The following PAN3 variants were observed in gnomAD, a reference collection of about 807,000 sequenced individuals.
The protein encoded by PAN3 is poly(A) specific ribonuclease subunit PAN3.
In PAN3, 19 loss-of-function variants were observed where a neutral mutation model predicts 96.2. That is an observed-to-expected ratio of 0.20 (90% CI 0.14 to 0.29). The LOEUF is 0.29. Ranked by LOEUF, PAN3 falls within the 10% of genes least tolerant of loss-of-function variation. PAN3 has a pLI of 1.00. For synonymous variants in PAN3, 433 were observed against 406.6 expected, an observed-to-expected ratio of 1.06 and a Z score of -0.78; for missense variants, 882 against 1,108.1, an observed-to-expected ratio of 0.80 and a Z score of 2.90.
rs1248187554 is a variant in PAN3 at position 28,257,747 on chromosome 13, A to AT, written c.1248+1208_1248+1209insT. Among the ~76,000 whole-genome samples, 26 of 114,294 alleles carry AT rather than the reference A, an allele frequency of 2.3e-4. No homozygotes were observed. In the Admixed American group the frequency reaches 2.3e-3, roughly 10 times the overall value. The allele number at this position is 114,294 out of a possible 152,430, so 75.0% of individuals were successfully genotyped here. A position where few individuals can be genotyped will look rare whatever the true frequency, so the allele number is the denominator to read the frequency against. On this transcript the variant is annotated intron_variant, in intron 7 of 18. Transcript: ENST00000380958. ...TATATATTATATATAAATTATATAT[A>AT]ATATATAATTAATTATATATTATAT...
At chr13:28,202,627 C>A (rs1233796729) in intron 5 of PAN3, among the ~76,000 whole-genome samples, 1 of 151,918 alleles carries the variant, frequency 6.6e-6, no homozygotes, top group African/African-American at 2.4e-5. Flanking sequence ...TACTTGTATA[C>A]ACAGCAGGCA....
intron 5 of PAN3, among the ~76,000 whole-genome samples, chr13:28,210,300 T>C (rs1252152671): frequency 1.3e-5 from 2 of 152,196 alleles, no homozygotes; most frequent in African/African-American, 4.8e-5. Flanking sequence ...TCCATTCTAA[T>C]GTAAAGCTTG....
chr13:28,180,150 A>G (rs1297288398), intron 4 of PAN3, among the ~76,000 whole-genome samples: 1 of 152,170 alleles, frequency 6.6e-6, no homozygotes, highest in Admixed American at 6.5e-5. Flanking sequence ...CATCTGTGAA[A>G]TGAAGAGCAT....
At chr13:28,171,289 C>T (rs976470653) in intron 1 of PAN3, among the ~76,000 whole-genome samples, 5 of 152,188 alleles carry the variant, frequency 3.3e-5, no homozygotes, top group East Asian at 1.9e-4. Flanking sequence ...ACTACACTCT[C>T]ACACAACACT....
intron 1 of PAN3, among the ~76,000 whole-genome samples, chr13:28,145,275 A>G (rs994426045): frequency 2.0e-5 from 3 of 149,316 alleles, no homozygotes; most frequent in African/African-American, 7.5e-5. Context: ...ATGTGTGTAC[A>G]TATTACAGAT....
At chr13:28,227,683 A>G (rs1238456424) in intron 6 of PAN3, among the ~76,000 whole-genome samples, 16 of 152,232 alleles carry the variant, frequency 1.1e-4, no homozygotes, top group Admixed American at 1.0e-3. Flanking sequence ...CTGTAGAAGC[A>G]TAGAGGACAG....
chr13:28,219,976 A>C (rs528489050), intron 5 of PAN3, among the ~76,000 whole-genome samples: 5 of 152,370 alleles, frequency 3.3e-5, no homozygotes, highest in African/African-American at 9.6e-5. Flanking sequence ...CATGCTTGAT[A>C]ATAAAGACAA....
intron 4 of PAN3, among the ~76,000 whole-genome samples, chr13:28,184,725 A>G (rs1876244105): frequency 1.3e-5 from 2 of 152,164 alleles, no homozygotes; most frequent in Admixed American, 6.5e-5. Flanking sequence ...GTAATTTCAC[A>G]GGCAAAAAAC....
rs1870094306 is a variant in PAN3, at chr13:28,294,307, A to G, written c.*1785A>G. On this transcript the variant is annotated 3_prime_UTR_variant, in exon 19 of 19. Transcript: ENST00000380958. ...TTTTTATGTAAAAAGAAGAACTTGG[A>G]GACATTAACATGAAAAAGTCTTTTA... 6.6e-6 allele frequency: 1 copy of G among 152,658 alleles called. No homozygotes were observed. Among genetic ancestry groups the G allele is most frequent in the South Asian group, 2.1e-4 (1 of 4,834 alleles). The allele number at this position is 152,658 out of a possible 1,614,324, so 9.5% of individuals were successfully genotyped here.
intron 5 of PAN3, among the ~76,000 whole-genome samples, chr13:28,203,624 T>A (rs556771661): frequency 6.6e-6 from 1 of 152,206 alleles, no homozygotes; most frequent in South Asian, 2.1e-4. Flanking sequence ...TTTCTGTATT[T>A]AAAAAAATTA....
chr13:28,193,618 C>T (rs1043072618), intron 4 of PAN3, among the ~76,000 whole-genome samples: 6 of 151,266 alleles, frequency 4.0e-5, no homozygotes, highest in African/African-American at 9.7e-5. Context: ...TGGTACACAC[C>T]TGTAGTCCCA....
chr13:28,287,821 T>A lies in PAN3; in HGVS notation c.2385-163T>A, dbSNP rs1262836466. On this transcript the variant is annotated intron_variant, in intron 17 of 18. Coordinates refer to ENST00000380958, the MANE Select transcript of PAN3 (RefSeq NM_175854.8). The stretch of plus-strand genomic sequence containing the variant: ...TAACTGAAAACTGGAATTCATAGAC[T>A]TACTAGTTCAGTTAGATTATTTTTT... Among the ~76,000 whole-genome samples, 23 of 152,240 alleles carry A rather than the reference T, an allele frequency of 1.5e-4. 1 individual carries two copies. Among genetic ancestry groups the A allele is most frequent in the Admixed American group, 1.5e-3 (23 of 15,290 alleles).
chr13:28,195,524 G>A (rs2138222401), intron 4 of PAN3, among the ~76,000 whole-genome samples: 1 of 152,064 alleles, frequency 6.6e-6, no homozygotes, highest in South Asian at 2.1e-4. Flanking sequence ...TGTTATTGTT[G>A]TTTTTTATTG....
intron 6 of PAN3, among the ~76,000 whole-genome samples, chr13:28,233,570 A>G (rs61950203): frequency 1.8e-3 from 277 of 152,248 alleles, no homozygotes; most frequent in Non-Finnish European, 3.2e-3. Flanking sequence ...ACCGGCCTGG[A>G]AATTAAGACA....
At position 28,210,452 on chromosome 13, in the gene PAN3, C is replaced by T. The variant is rs1566190110; in HGVS notation, c.853-9779C>T. Among the ~76,000 whole-genome samples the T allele has an allele frequency of 2.0e-5, 3 of 152,260 alleles. No individual in the cohort carries two copies. In the East Asian group the frequency reaches 5.8e-4, roughly 29 times the overall value. The stretch of plus-strand genomic sequence containing the variant: ...GGAAATACTAGTAATTAGCTTTCTT[C>T]TGCTGTCTCCACCAATTTTATCTGA... On this transcript the variant is annotated intron_variant, in intron 5 of 18. Transcript: ENST00000380958.
chr13:28,153,426 A>G (rs970422093), intron 1 of PAN3, among the ~76,000 whole-genome samples: 4 of 151,720 alleles, frequency 2.6e-5, no homozygotes, highest in African/African-American at 9.7e-5. Flanking sequence ...TTTAGTAGAG[A>G]TGGGATTTCA....
chr13:28,219,294 G>A (rs1881132009), intron 5 of PAN3, among the ~76,000 whole-genome samples: 1 of 152,042 alleles, frequency 6.6e-6, no homozygotes, highest in Non-Finnish European at 1.5e-5. Flanking sequence ...CCCAGATTTA[G>A]CATTTGTTCT....
intron 1 of PAN3, among the ~76,000 whole-genome samples, chr13:28,150,494 G>A (rs566628245): frequency 2.0e-5 from 3 of 151,932 alleles, no homozygotes; most frequent in African/African-American, 4.8e-5. Context: ...GCGTGGTGGC[G>A]GGCGCGGTGA....
At chr13:28,209,309 T>C (rs1390783073) in intron 5 of PAN3, among the ~76,000 whole-genome samples, 1 of 152,182 alleles carries the variant, frequency 6.6e-6, no homozygotes, top group Non-Finnish European at 1.5e-5. Flanking sequence ...ACAGATAACT[T>C]GTCTGATATA....
Sources: allele counts gnomAD v4.1 joint callset (sites outside exome capture counted in the v4.1 genomes callset), GRCh38; gene constraint gnomAD v4.1.1; transcripts MANE v1.5; gene names NCBI Gene and HGNC (gene_info 2026-07-23, HGNC 2026-07-21).